The following RABGEF1 variants were observed in gnomAD, a reference collection of about 807,000 sequenced individuals.
The protein encoded by RABGEF1 is RAB guanine nucleotide exchange factor 1.
RABGEF1 carries 26 observed loss-of-function variants against 57.3 expected under a neutral mutation model. That is an observed-to-expected ratio of 0.45 (90% CI 0.33 to 0.63). The LOEUF is 0.63. Among genes scored for constraint, RABGEF1 ranks in the 20% least tolerant of loss-of-function variants. The pLI is 0.02. For missense variants in RABGEF1, 464 were observed against 607.6 expected (o/e 0.76, Z 2.48); for synonymous variants, 185 against 210.7 (o/e 0.88, Z 1.06).
chr7:66,805,644 C>T (rs1363999188), intron 8 of RABGEF1, among the ~76,000 whole-genome samples: 3 of 152,204 alleles, frequency 2.0e-5, no homozygotes, highest in African/African-American at 4.8e-5. Flanking sequence ...TCACTCCCCA[C>T]GGTCCTGGGT....
chr7:66,741,574 G>A (rs1428943752), intron 1 of RABGEF1, among the ~76,000 whole-genome samples: 1 of 152,178 alleles, frequency 6.6e-6, no homozygotes, highest in Non-Finnish European at 1.5e-5. Flanking sequence ...GCGCCCGTGG[G>A]CTCGTTTTGC....
At chr7:66,657,115 A>G in the RABGEF1 span, among the ~76,000 whole-genome samples, 4 of 152,218 alleles carry the variant, frequency 2.6e-5, no homozygotes, top group Admixed American at 1.3e-4. Flanking sequence ...TAGGAAAGAG[A>G]GCACTTGAAC....
At chr7:66,757,414 G>A (rs543016812) in intron 1 of RABGEF1, among the ~76,000 whole-genome samples, 2 of 152,038 alleles carry the variant, frequency 1.3e-5, no homozygotes, top group South Asian at 4.1e-4. Flanking sequence ...ATTTTCTTTA[G>A]GCCTTTCAGA....
At chr7:66,750,512 A>G (rs1398134218) in intron 1 of RABGEF1, among the ~76,000 whole-genome samples, 1 of 152,210 alleles carries the variant, frequency 6.6e-6, no homozygotes, top group East Asian at 1.9e-4. Context: ...AAGAGCACTT[A>G]TAGGATGTAA....
intron 1 of RABGEF1, among the ~76,000 whole-genome samples, chr7:66,692,879 A>G (rs1393112670): frequency 6.6e-6 from 1 of 152,220 alleles, no homozygotes; most frequent in Non-Finnish European, 1.5e-5. Context: ...CCTGGCACCT[A>G]CATCCTGGCT....
At chr7:66,762,698 C>T (rs767142410) in intron 1 of RABGEF1, among the ~76,000 whole-genome samples, 8 of 151,908 alleles carry the variant, frequency 5.3e-5, no homozygotes, top group African/African-American at 9.7e-5. Flanking sequence ...GGTAAGAACA[C>T]GCCTCTACCC....
At chr7:66,655,281 T>C in the RABGEF1 span, among the ~76,000 whole-genome samples, 1 of 152,112 alleles carries the variant, frequency 6.6e-6, no homozygotes, top group Non-Finnish European at 1.5e-5. Context: ...CCGAGAGATG[T>C]CCATCACGGC....
At chr7:66,778,515 C>T (rs2129130662) in intron 3 of RABGEF1, among the ~76,000 whole-genome samples, 1 of 152,294 alleles carries the variant, frequency 6.6e-6, no homozygotes. Context: ...TTTCAGAACT[C>T]CTATAATGTT....
At chr7:66,784,249 A>T (rs1810630882) in intron 4 of RABGEF1, among the ~76,000 whole-genome samples, 1 of 152,086 alleles carries the variant, frequency 6.6e-6, no homozygotes, top group African/African-American at 2.4e-5. Flanking sequence ...TTGATTTTGA[A>T]TTTTTTCATT....
chr7:66,751,945 CCAG>C (rs1402624338), intron 1 of RABGEF1, among the ~76,000 whole-genome samples: 2 of 152,110 alleles, frequency 1.3e-5, no homozygotes, highest in Middle Eastern at 3.2e-3. Context: ...ACCTGTAATC[CCAG>C]CACTTTGGGA....
At chr7:66,749,815 T>C (rs1247081839) in intron 1 of RABGEF1, among the ~76,000 whole-genome samples, 2 of 151,892 alleles carry the variant, frequency 1.3e-5, no homozygotes, top group South Asian at 2.1e-4. Context: ...ACTAAAAATA[T>C]TTTAAAAAAT....
chr7:66,795,703 C>T (rs1489111608), intron 5 of RABGEF1, 111 bp downstream of exon 5: 2 of 992,108 alleles, frequency 2.0e-6, no homozygotes, highest in African/African-American at 1.6e-5. Flanking sequence ...AGACTTCATC[C>T]TGTAACCTCA....
chr7:66,772,543 T>C (rs1447547901), intron 2 of RABGEF1, among the ~76,000 whole-genome samples: 1 of 152,210 alleles, frequency 6.6e-6, no homozygotes, highest in African/African-American at 2.4e-5. Flanking sequence ...AGTCATTGCA[T>C]TGTAGAAATT....
intron 4 of RABGEF1, 69 bp from the exon 5 acceptor site, chr7:66,795,442 C>T: frequency 7.4e-7 from 1 of 1,358,664 alleles, no homozygotes; most frequent in East Asian, 2.3e-5. Context: ...TTGGAAAGTT[C>T]TTAGAATGTA....
chr7:66,715,320 C>T (rs879375635), intron 2 of RABGEF1, among the ~76,000 whole-genome samples: 3 of 152,174 alleles, frequency 2.0e-5, no homozygotes, highest in Admixed American at 6.5e-5. Context: ...TTGTAGATAC[C>T]GTGTCTCATT....
At chr7:66,786,917 C>T (rs1811314644) in intron 4 of RABGEF1, among the ~76,000 whole-genome samples, 1 of 152,182 alleles carries the variant, frequency 6.6e-6, no homozygotes, top group Non-Finnish European at 1.5e-5. Context: ...ATATAGTTGC[C>T]ATCAGCTACT....
At chr7:66,778,074 T>C (rs748969906) in intron 3 of RABGEF1, among the ~76,000 whole-genome samples, 1 of 152,240 alleles carries the variant, frequency 6.6e-6, no homozygotes, top group Non-Finnish European at 1.5e-5. Flanking sequence ...AATTTTGCAT[T>C]TCACACTGAT....
intron 2 of RABGEF1, among the ~76,000 whole-genome samples, chr7:66,722,251 C>A (rs1026179236): frequency 6.6e-6 from 1 of 152,096 alleles, no homozygotes; most frequent in African/African-American, 2.4e-5. Flanking sequence ...ACCAGCCTGG[C>A]CAACATGGTG....
At chr7:66,671,119 T>G in the RABGEF1 span, among the ~76,000 whole-genome samples, 1 of 152,112 alleles carries the variant, frequency 6.6e-6, no homozygotes, top group Admixed American at 6.6e-5. Flanking sequence ...CACCTTGGCC[T>G]CCCAAAATGC....
Sources: gnomAD v4.1 joint callset for allele counts (sites outside exome capture counted in the v4.1 genomes callset) on GRCh38, gnomAD v4.1.1 for gene constraint, MANE v1.5 for transcripts, NCBI Gene and HGNC (gene_info 2026-07-23, HGNC 2026-07-21) for gene names.